TLE1: variants seen among roughly 807,000 people sequenced by gnomAD.
TLE1 encodes the protein transducin-like enhancer protein 1.
A neutral mutation model predicts 89.8 loss-of-function variants in TLE1; 21 were observed. The observed-to-expected ratio is 0.23, with a 90% confidence interval of 0.17 to 0.34. The LOEUF (loss-of-function observed/expected upper bound fraction) is 0.34. Ranked by LOEUF, TLE1 falls within the 10% of genes least tolerant of loss-of-function variation. The pLI is 1.00. For synonymous variants in TLE1, 447 were observed against 407.6 expected, an observed-to-expected ratio of 1.10 and a Z score of -1.16; for missense variants, 795 against 1,031.2, an observed-to-expected ratio of 0.77 and a Z score of 3.14.
chr9:81,673,965 C>T (rs1424472809), intron 4 of TLE1, among the ~76,000 whole-genome samples: 2 of 152,146 alleles, frequency 1.3e-5, no homozygotes, highest in Admixed American at 1.3e-4. Flanking sequence ...CAGACCAAGA[C>T]GCAGATCAAT....
intron 8 of TLE1, among the ~76,000 whole-genome samples, chr9:81,623,357 C>A (rs1825519554): frequency 6.6e-6 from 1 of 152,140 alleles, no homozygotes; most frequent in Non-Finnish European, 1.5e-5. Context: ...ACTAAATTGT[C>A]ATTTTGATCC....
chr9:81,585,207 T>C (rs1157487451), intron 18 of TLE1, among the ~76,000 whole-genome samples: 1 of 152,108 alleles, frequency 6.6e-6, no homozygotes. Flanking sequence ...CTTCAATAAA[T>C]TCCCGCCCAC....
At chr9:81,656,489 C>T (rs1348286782) in intron 4 of TLE1, among the ~76,000 whole-genome samples, 1 of 152,142 alleles carries the variant, frequency 6.6e-6, no homozygotes, top group Non-Finnish European at 1.5e-5. Context: ...CACACAGATA[C>T]ATATACAGAA....
intron 4 of TLE1, among the ~76,000 whole-genome samples, chr9:81,656,921 A>G (rs938147239): frequency 6.6e-6 from 1 of 152,242 alleles, no homozygotes; most frequent in African/African-American, 2.4e-5. Context: ...GTTGCAATGC[A>G]TGCTGCCAAA....
intron 4 of TLE1, among the ~76,000 whole-genome samples, chr9:81,680,995 GAA>G (rs1833550841): frequency 6.6e-6 from 1 of 150,878 alleles, no homozygotes; most frequent in South Asian, 2.1e-4. Flanking sequence ...CACATCTAAG[GAA>G]ATATCCCACA....
chr9:81,689,038 A>G lies in TLE1; in HGVS notation c.-798T>C, dbSNP rs1481725359. On this transcript the variant is annotated 5_prime_UTR_variant, in exon 1 of 20. Coordinates refer to ENST00000376499, the MANE Select transcript of TLE1 (RefSeq NM_005077.5). ...CCGAGAGCAGTCCCGCAAGTGCCCA[A>G]TGCTCCTCGAGCCCGGGGAGCATCA... 6.6e-6 allele frequency: 1 copy of G among 151,808 alleles called. No homozygotes were observed. The highest frequency in any genetic ancestry group is 1.5e-5 in the Non-Finnish European group (1 of 68,010). 9.4% of individuals were successfully genotyped at this position (151,808 alleles called of 1,614,324 possible). A position where few individuals can be genotyped will look rare whatever the true frequency, so the allele number is the denominator to read the frequency against.
chr9:81,592,804 T>G (rs1206290628), intron 15 of TLE1, among the ~76,000 whole-genome samples: 1 of 152,086 alleles, frequency 6.6e-6, no homozygotes, highest in Non-Finnish European at 1.5e-5. Context: ...AAAATATTTT[T>G]TAAAAAGAAA....
intron 5 of TLE1, 128 bp from the exon 6 acceptor site, chr9:81,652,416 C>T: frequency 1.5e-6 from 1 of 648,742 alleles, no homozygotes; most frequent in Non-Finnish European, 2.6e-6. Context: ...CAGAATTTCT[C>T]AACCACACTT....
Position 81,616,447 on chromosome 9 carries a change from C to G in TLE1, c.765+199G>C, listed in dbSNP as rs1487021135. 2.6e-5 allele frequency among the ~76,000 whole-genome samples: 4 copies of G among 152,198 alleles called. No individual in the cohort carries two copies. The East Asian group carries it at 7.7e-4, about 29-fold the overall frequency. ...GCATTCAAAATGTCTAGAGAAATAT[C>G]TTTTTTTAAAGGAAATAAAACTTTA... is the stretch of plus-strand genomic sequence containing the variant. On this transcript the variant is annotated intron_variant, in intron 10 of 19. Transcript: ENST00000376499.
At chr9:81,676,045 G>A (rs1463202905) in intron 4 of TLE1, among the ~76,000 whole-genome samples, 1 of 152,068 alleles carries the variant, frequency 6.6e-6, no homozygotes, top group African/African-American at 2.4e-5. Context: ...TGAATTCCAT[G>A]GACTTGTTGA....
At chr9:81,652,389 G>T in intron 5 of TLE1, 101 bp from the exon 6 acceptor site, 1 of 900,956 alleles carries the variant, frequency 1.1e-6, no homozygotes, top group Non-Finnish European at 1.7e-6. Flanking sequence ...GCAGGCTGAA[G>T]TAGAAGGGTT....
At chr9:81,645,924 A>G (rs1029167529) in intron 6 of TLE1, among the ~76,000 whole-genome samples, 2 of 152,182 alleles carry the variant, frequency 1.3e-5, no homozygotes, top group Admixed American at 1.3e-4. Flanking sequence ...TGTAACTCCT[A>G]TAATGGGGTA....
Position 81,615,947 on chromosome 9 carries a change from T to A in TLE1, c.918+35A>T, listed in dbSNP as rs760939085. The A allele has an allele frequency of 2.2e-5, 36 of 1,611,498 alleles. No individual in the cohort carries two copies. The South Asian group carries it at 4.0e-4, about 18-fold the overall frequency. On this transcript the variant is annotated intron_variant, in intron 11 of 19. Transcript: ENST00000376499. ...CTCCAGTCCACAATGAAAAATACAC[T>A]GCCAAACAGGCAAGTGTCAGTTTTC...
chr9:81,687,531 T>G, intron 1 of TLE1, 97 bp from the exon 2 acceptor site: 1 of 919,574 alleles, frequency 1.1e-6, no homozygotes, highest in South Asian at 1.5e-5. Flanking sequence ...GACATAAACA[T>G]AAAGTTAGAA....
chr9:81,685,581 C>A, intron 4 of TLE1, 95 bp downstream of exon 4: 1 of 1,281,876 alleles, frequency 7.8e-7, no homozygotes, highest in East Asian at 2.4e-5. Flanking sequence ...CATACAAACC[C>A]CCACCCCTAG....
At chr9:81,633,838 C>A in intron 7 of TLE1, 3 of 494,224 alleles carry the variant, frequency 6.1e-6, no homozygotes, top group East Asian at 3.0e-5. Flanking sequence ...ATGGTACAGG[C>A]CACTGGCATT....
At chr9:81,657,429 T>A (rs1830272448) in intron 4 of TLE1, among the ~76,000 whole-genome samples, 1 of 152,212 alleles carries the variant, frequency 6.6e-6, no homozygotes, top group Non-Finnish European at 1.5e-5. Context: ...TATGCTTAAC[T>A]ATTTAACTGG....
intron 13 of TLE1, among the ~76,000 whole-genome samples, chr9:81,610,678 G>T (rs530314226): frequency 6.6e-6 from 1 of 152,108 alleles, no homozygotes; most frequent in East Asian, 1.9e-4. Flanking sequence ...CGTCCTGGGC[G>T]TTGCAGGATG....
chr9:81,585,689 C>T (rs371279554), intron 17 of TLE1, 34 bp from the exon 18 acceptor site: 27 of 1,606,202 alleles, frequency 1.7e-5, no homozygotes, highest in Admixed American at 3.4e-5. Flanking sequence ...CTCATTATTC[C>T]GCCTGATACA....
Sources: gnomAD v4.1 joint callset for allele counts (sites outside exome capture counted in the v4.1 genomes callset) on GRCh38, gnomAD v4.1.1 for gene constraint, MANE v1.5 for transcripts, NCBI Gene and HGNC (gene_info 2026-07-23, HGNC 2026-07-21) for gene names.